The following MEGF6 variants were observed in gnomAD, a reference collection of about 807,000 sequenced individuals.
MEGF6 encodes multiple epidermal growth factor-like domains protein 6.
A neutral mutation model predicts 207.1 loss-of-function variants in MEGF6; 184 were observed. That is an observed-to-expected ratio of 0.89 (90% CI 0.79 to 1.00). The LOEUF is 1.00. Ranked by LOEUF, MEGF6 falls within the 50% of genes least tolerant of loss-of-function variation. MEGF6 has a pLI of 0.00. For synonymous variants in MEGF6, 1,038 were observed against 910.0 expected, an observed-to-expected ratio of 1.14 and a Z score of -2.53; for missense variants, 2,282 against 2,202.9, an observed-to-expected ratio of 1.04 and a Z score of -0.72.
At chr1:3,546,194 C>T (rs1328301711) in intron 4 of MEGF6, among the ~76,000 whole-genome samples, 2 of 152,226 alleles carry the variant, frequency 1.3e-5, no homozygotes, top group Admixed American at 6.5e-5. Context: ...TCCTCGGCCT[C>T]CTCCCCCACC....
intron 4 of MEGF6, among the ~76,000 whole-genome samples, chr1:3,552,194 T>A (rs868837582): frequency 6.6e-6 from 1 of 152,194 alleles, no homozygotes; most frequent in South Asian, 2.1e-4. Context: ...AGGCACAGAA[T>A]GCAAACCTGG....
intron 3 of MEGF6, among the ~76,000 whole-genome samples, chr1:3,590,428 C>A (rs1229840706): frequency 6.6e-6 from 1 of 152,222 alleles, no homozygotes; most frequent in Non-Finnish European, 1.5e-5. Flanking sequence ...GTCCGAACCC[C>A]ACTGCACCCG....
chr1:3,511,944 G>T, intron 8 of MEGF6, 62 bp downstream of exon 8: 1 of 1,607,366 alleles, frequency 6.2e-7, no homozygotes, highest in South Asian at 1.1e-5. Flanking sequence ...CAGGCCTCGG[G>T]GTCCTGGGGA....
chr1:3,584,427 T>C (rs955209606), intron 3 of MEGF6, among the ~76,000 whole-genome samples: 2 of 152,200 alleles, frequency 1.3e-5, no homozygotes, highest in Non-Finnish European at 2.9e-5. Flanking sequence ...CTTTGGGAAG[T>C]TGGGGTGACC....
chr1:3,576,953 A>AC (rs1207530153), intron 4 of MEGF6, among the ~76,000 whole-genome samples: 13 of 114,218 alleles, frequency 1.1e-4, no homozygotes, highest in African/African-American at 4.0e-4. Flanking sequence ...GGCCCTGCAC[A>AC]TCCAGCTCTG....
rs1160333878 is a variant in MEGF6, at chr1:3,560,191, G to GA, written c.481+19633dup. 6.6e-6 allele frequency among the ~76,000 whole-genome samples: 1 copy of GA among 151,834 alleles called. No individual in the cohort carries two copies. Among genetic ancestry groups the GA allele is most frequent in the Non-Finnish European group, 1.5e-5 (1 of 67,940 alleles). ...TTTTTAAAGCACTTTTAGGCTTATGGAAAAACTGGACAGAAAGTACAGAGT... is the reference window on the plus strand; with the variant it reads ...TTTTTAAAGCACTTTTAGGCTTATGGAAAAAACTGGACAGAAAGTACAGAGT... On this transcript the variant is annotated intron_variant, in intron 4 of 36. Coordinates refer to ENST00000356575, the MANE Select transcript of MEGF6 (RefSeq NM_001409.4). This position sits in a 1 kb window ranked among gnomAD's most constrained non-coding sequence, Gnocchi z 4.0.
At chr1:3,512,236 C>T in intron 7 of MEGF6, 108 bp from the exon 8 acceptor site, 2 of 1,412,778 alleles carry the variant, frequency 1.4e-6, no homozygotes, top group Non-Finnish European at 1.9e-6. Flanking sequence ...CCTGTGGCCG[C>T]ATGACACAGG....
intron 4 of MEGF6, chr1:3,531,078 A>C: frequency 6.6e-6 from 10 of 1,518,874 alleles, no homozygotes; most frequent in Non-Finnish European, 7.9e-6. Flanking sequence ...CCCGGCGCCC[A>C]CCTGGCCTCT....
At chr1:3,623,613 C>T in the MEGF6 span, 1 of 152,268 alleles carries the variant, frequency 6.6e-6, no homozygotes, top group South Asian at 2.1e-4. Context: ...TTGTAGTGCA[C>T]CCGCTGTGGT....
intron 3 of MEGF6, among the ~76,000 whole-genome samples, chr1:3,583,201 C>A (rs1293071878): frequency 1.3e-5 from 2 of 152,202 alleles, no homozygotes; most frequent in African/African-American, 2.4e-5. Flanking sequence ...AAACCGAGAG[C>A]AGGTGTTCCT....
chr1:3,490,372 G>A lies in MEGF6; in HGVS notation c.*156C>T, dbSNP rs1015017288. ...CAAGGCCACACCAGCCTCCAAGAGC[G>A]ACAGGTTGCTGGGCTGTCCACAGCC... On this transcript the variant is annotated 3_prime_UTR_variant, in exon 37 of 37. Coordinates refer to ENST00000356575, the MANE Select transcript of MEGF6 (RefSeq NM_001409.4). 7.7e-6 allele frequency: 6 copies of A among 781,626 alleles called. No homozygotes were observed. Among genetic ancestry groups the A allele is most frequent in the African/African-American group, 3.6e-5 (2 of 55,072 alleles). The allele number at this position is 781,626 out of a possible 1,614,324, so 48.4% of individuals were successfully genotyped here.
At chr1:3,516,612 G>A (rs76485581) in intron 5 of MEGF6, among the ~76,000 whole-genome samples, 20 of 152,332 alleles carry the variant, frequency 1.3e-4, no homozygotes, top group African/African-American at 4.3e-4. Flanking sequence ...TGGGGAACCC[G>A]TCTACTGTTG....
chr1:3,612,689 C>T (rs1006228602), upstream of MEGF6, among the ~76,000 whole-genome samples: 2 of 152,116 alleles, frequency 1.3e-5, no homozygotes, highest in Non-Finnish European at 2.9e-5. Flanking sequence ...TCCAAGGCTT[C>T]GTGTGGTTTG....
intron 3 of MEGF6, among the ~76,000 whole-genome samples, chr1:3,587,019 G>A (rs1051564313): frequency 3.9e-5 from 6 of 152,226 alleles, no homozygotes; most frequent in African/African-American, 9.6e-5. Context: ...CACCACCCCC[G>A]TCCGGGGTTT....
chr1:3,491,158 G>A (rs1001386378), intron 35 of MEGF6, among the ~76,000 whole-genome samples, 199 bp from the exon 36 acceptor site: 3 of 151,724 alleles, frequency 2.0e-5, no homozygotes, highest in Admixed American at 1.3e-4. Flanking sequence ...CTCCCCATAG[G>A]AAAGCTCTCA....
rs1399188299 is a variant in MEGF6, at chr1:3,509,058, G to A, written c.1528+17C>T. 19 of 1,534,612 alleles carry A rather than the reference G, an allele frequency of 1.2e-5. No individual in the cohort carries two copies. Among genetic ancestry groups the A allele is most frequent in the African/African-American group, 5.6e-5 (4 of 71,644 alleles). On this transcript the variant is annotated intron_variant, in intron 12 of 36. Transcript: ENST00000356575. ...GCCCTGCGAGCAGGAGCCCCCGGGG[G>A]CTGGGCCCGCGCTCACCAAACTTCT...
rs998949541 is a variant in MEGF6 at position 3,594,821 on chromosome 1, C to T, written c.376+517G>A. Among the ~76,000 whole-genome samples, 3 of 152,192 alleles carry T rather than the reference C, an allele frequency of 2.0e-5. No homozygotes were observed. Among genetic ancestry groups the T allele is most frequent in the East Asian group, 3.9e-4 (2 of 5,194 alleles). Reference sequence around the variant, plus strand: ...TGCCCGGGTCAGGTCGTATGCAGCACGGGCCTCTCCAATTGTGCTGGCTAC... The same window carrying T: ...TGCCCGGGTCAGGTCGTATGCAGCATGGGCCTCTCCAATTGTGCTGGCTAC... On this transcript the variant is annotated intron_variant, in intron 3 of 36. Transcript: ENST00000356575. This position sits in a 1 kb window ranked among gnomAD's most constrained non-coding sequence, Gnocchi z 4.2.
intron 4 of MEGF6, among the ~76,000 whole-genome samples, chr1:3,531,804 C>CGGGCCGCGGGGCGGGGGAAGG (rs1642185039): frequency 7.0e-6 from 1 of 141,982 alleles, no homozygotes. Context: ...CCGTCCTGGC[C>CGGGCCGCGGGGCGGGGGAAGG]GGGCCGCGGG....
intron 3 of MEGF6, among the ~76,000 whole-genome samples, chr1:3,581,105 CCA>C (rs1643786893): frequency 6.6e-6 from 1 of 152,164 alleles, no homozygotes; most frequent in Non-Finnish European, 1.5e-5. Flanking sequence ...CTGGCCTGGA[CCA>C]CAGAGTGAGC....
Sources: gnomAD v4.1 joint callset for allele counts (sites outside exome capture counted in the v4.1 genomes callset) on GRCh38, gnomAD v4.1.1 for gene constraint, Gnocchi (gnomAD v3.1) non-coding constraint, MANE v1.5 for transcripts, NCBI Gene and HGNC (gene_info 2026-07-23, HGNC 2026-07-21) for gene names.